The following CNTNAP2 variants were observed in gnomAD, a reference collection of about 807,000 sequenced individuals.
CNTNAP2 encodes contactin associated protein 2.
Under a neutral mutation model 155.2 loss-of-function variants are expected in CNTNAP2, and 98 were observed. That is an observed-to-expected ratio of 0.63 (90% confidence interval 0.54 to 0.75). The LOEUF (loss-of-function observed/expected upper bound fraction) is 0.75. CNTNAP2 is among the 30% of genes least tolerant of loss of function. The probability of loss-of-function intolerance (pLI) is 0.00; values close to 1 mark genes in which losing one functional copy is unlikely to be tolerated. For synonymous variants in CNTNAP2, 651 were observed against 631.2 expected, an observed-to-expected ratio of 1.03 and a Z score of -0.47; for missense variants, 1,727 against 1,688.1, an observed-to-expected ratio of 1.02 and a Z score of -0.40.
intron 9 of CNTNAP2, among the ~76,000 whole-genome samples, chr7:147,328,263 C>T (rs761848069): frequency 6.6e-6 from 1 of 152,194 alleles, no homozygotes; most frequent in Non-Finnish European, 1.5e-5. Context: ...GAGAGAGCCT[C>T]TAATTGCCTG....
At chr7:148,372,977 T>G (rs1798917117) in intron 21 of CNTNAP2, among the ~76,000 whole-genome samples, 1 of 152,138 alleles carries the variant, frequency 6.6e-6, no homozygotes, top group African/African-American at 2.4e-5. Flanking sequence ...TGCTTTGGCC[T>G]CCACAGGGTG....
At chr7:147,911,713 TTTTGCAGTTGGCATA>T (rs1800069539) in intron 14 of CNTNAP2, among the ~76,000 whole-genome samples, 1 of 152,236 alleles carries the variant, frequency 6.6e-6, no homozygotes, top group South Asian at 2.1e-4. Context: ...GTATTTGTCT[TTTTGCAGTTGGCATA>T]TTTCACTTAG....
At chr7:147,044,262 C>T (rs564259948) in intron 4 of CNTNAP2, among the ~76,000 whole-genome samples, 3 of 151,868 alleles carry the variant, frequency 2.0e-5, no homozygotes, top group African/African-American at 7.2e-5. Flanking sequence ...ATTATAAACA[C>T]GTACAGAGAC....
intron 13 of CNTNAP2, among the ~76,000 whole-genome samples, chr7:147,798,885 C>A (rs1797944346): frequency 6.6e-6 from 1 of 152,188 alleles, no homozygotes; most frequent in Admixed American, 6.5e-5. Flanking sequence ...ACCCAGCACA[C>A]AGGGTCTCTG....
At chr7:148,174,428 C>A (rs546632085) in intron 18 of CNTNAP2, among the ~76,000 whole-genome samples, 1 of 150,420 alleles carries the variant, frequency 6.6e-6, no homozygotes, top group African/African-American at 2.4e-5. Context: ...CCGCCCCCCA[C>A]CTCAGGCTGG....
chr7:146,171,282 A>C (rs150322559), intron 1 of CNTNAP2, among the ~76,000 whole-genome samples: 266 of 152,300 alleles, frequency 1.7e-3, no homozygotes, highest in African/African-American at 6.1e-3. Context: ...AATATTTTAT[A>C]GTATAGTTAG....
intron 18 of CNTNAP2, among the ~76,000 whole-genome samples, chr7:148,197,119 T>A (rs1425048255): frequency 6.6e-6 from 1 of 152,092 alleles, no homozygotes; most frequent in African/African-American, 2.4e-5. Context: ...GGGAAAAAAA[T>A]CATTCCTTTA....
chr7:147,999,172 T>G (rs969969259), intron 15 of CNTNAP2, among the ~76,000 whole-genome samples: 1 of 152,176 alleles, frequency 6.6e-6, no homozygotes, highest in African/African-American at 2.4e-5. Flanking sequence ...AGCCTCTGCC[T>G]CCCGGGTTCC....
Position 146,605,087 on chromosome 7 carries a change from C to G in CNTNAP2, c.98-169184C>G, listed in dbSNP as rs11463361. 1.4e-5 allele frequency among the ~76,000 whole-genome samples: 2 copies of G among 144,012 alleles called. 1 individual carries two copies. Among genetic ancestry groups the G allele is most frequent in the Non-Finnish European group, 3.1e-5 (2 of 65,200 alleles). 94.5% of individuals were successfully genotyped at this position (144,012 alleles called of 152,430 possible). On this transcript the variant is annotated intron_variant, in intron 1 of 23. Coordinates refer to ENST00000361727, the MANE Select transcript of CNTNAP2 (RefSeq NM_014141.6). ...CTTAAAGTATAATAAAAAAAAACAA[C>G]AAAAAAAAAAAGAAAAAAAAATACT...
chr7:146,647,013 A>G (rs10258848), intron 1 of CNTNAP2, among the ~76,000 whole-genome samples: 74,583 of 152,062 alleles, frequency 0.49, 18,982 homozygotes, highest in South Asian at 0.58. Context: ...AGGGCACAAT[A>G]TCAATGGTCA....
At chr7:146,476,174 C>T (rs1796874653) in intron 1 of CNTNAP2, among the ~76,000 whole-genome samples, 1 of 152,110 alleles carries the variant, frequency 6.6e-6, no homozygotes, top group Non-Finnish European at 1.5e-5. Flanking sequence ...TTATTTTTCT[C>T]TCTTTTGCCT....
At chr7:147,427,615 T>C (rs1315285531) in intron 10 of CNTNAP2, among the ~76,000 whole-genome samples, 1 of 151,814 alleles carries the variant, frequency 6.6e-6, no homozygotes, top group Non-Finnish European at 1.5e-5. Flanking sequence ...CAACAAGGAG[T>C]ACATAAACTA....
At chr7:148,035,392 C>T (rs537800822) in intron 15 of CNTNAP2, among the ~76,000 whole-genome samples, 1 of 152,252 alleles carries the variant, frequency 6.6e-6, no homozygotes, top group East Asian at 1.9e-4. Flanking sequence ...AGAGTGCCCT[C>T]CTTGGTTTCT....
At chr7:146,607,029 A>G (rs1799059311) in intron 1 of CNTNAP2, among the ~76,000 whole-genome samples, 1 of 152,212 alleles carries the variant, frequency 6.6e-6, no homozygotes, top group Non-Finnish European at 1.5e-5. Flanking sequence ...CAATAAATAC[A>G]CAATACTATT....
At chr7:146,337,594 G>A (rs530340969) in intron 1 of CNTNAP2, among the ~76,000 whole-genome samples, 60 of 152,102 alleles carry the variant, frequency 3.9e-4, no homozygotes, top group Non-Finnish European at 7.8e-4. Context: ...GAGTGGCTGG[G>A]ACCACTGGAA....
chr7:147,402,301 C>G (rs555942103), intron 10 of CNTNAP2, among the ~76,000 whole-genome samples: 51 of 152,278 alleles, frequency 3.3e-4, no homozygotes, highest in Non-Finnish European at 4.4e-4. Context: ...ACCTGCTCCA[C>G]CAAGGTTCCC....
chr7:147,667,253 G>A (rs1795710067), intron 13 of CNTNAP2, among the ~76,000 whole-genome samples: 1 of 152,192 alleles, frequency 6.6e-6, no homozygotes, highest in African/African-American at 2.4e-5. Context: ...TAAGTTGATT[G>A]TGAGGGGGAA....
intron 13 of CNTNAP2, among the ~76,000 whole-genome samples, chr7:147,774,610 A>C (rs1401828964): frequency 2.0e-5 from 3 of 152,150 alleles, no homozygotes; most frequent in Admixed American, 2.0e-4. Flanking sequence ...AGTCCTCATA[A>C]GCAGAAATGC....
chr7:147,733,535 GT>G (rs1211216182), intron 13 of CNTNAP2, among the ~76,000 whole-genome samples: 10 of 152,266 alleles, frequency 6.6e-5, no homozygotes, highest in African/African-American at 1.9e-4. Flanking sequence ...CTTTAAAGTA[GT>G]TTTTTCCAAT....
Sources: allele counts gnomAD v4.1 joint callset (sites outside exome capture counted in the v4.1 genomes callset), GRCh38; gene constraint gnomAD v4.1.1; transcripts MANE v1.5; gene names NCBI Gene and HGNC (gene_info 2026-07-23, HGNC 2026-07-21).